OSBPL9: variants seen among roughly 807,000 people sequenced by gnomAD.
OSBPL9 encodes oxysterol binding protein like 9, also known as oxysterol-binding protein-related protein 9.
In OSBPL9, 40 loss-of-function variants were observed where a neutral mutation model predicts 106.6. That is an observed-to-expected ratio of 0.38 (90% CI 0.29 to 0.49). OSBPL9 has a LOEUF of 0.49. Among genes scored for constraint, OSBPL9 ranks in the 20% least tolerant of loss-of-function variants. The pLI is 0.97. For missense variants in OSBPL9, 609 were observed against 887.2 expected (o/e 0.69, Z 3.98); for synonymous variants, 269 against 295.4 (o/e 0.91, Z 0.92).
At position 51,789,125 on chromosome 1, in the gene OSBPL9, G is replaced by T; in HGVS notation, c.*1336G>T. ...AAGTAAATCAAATGCTATGATGCCA[G>T]TGCAAAACTTCAATGGAAGCCCTAA... On this transcript the variant is annotated 3_prime_UTR_variant, in exon 24 of 24. Coordinates refer to ENST00000428468, the MANE Select transcript of OSBPL9 (RefSeq NM_024586.6). 1 of 987,664 alleles carries T rather than the reference G, an allele frequency of 1.0e-6. No homozygotes were observed. Among genetic ancestry groups the T allele is most frequent in the Non-Finnish European group, 1.6e-6 (1 of 630,978 alleles). The allele number at this position is 987,664 out of a possible 1,614,324, so 61.2% of individuals were successfully genotyped here.
chr1:51,674,053 T>TTTC (rs536069712), intron 3 of OSBPL9, among the ~76,000 whole-genome samples: 190 of 150,988 alleles, frequency 1.3e-3, no homozygotes, highest in East Asian at 4.1e-3. Context: ...TTTCCTTTGT[T>TTTC]TTCTTCTTCT....
chr1:51,708,625 C>T (rs1414012973), intron 3 of OSBPL9, among the ~76,000 whole-genome samples: 1 of 152,278 alleles, frequency 6.6e-6, no homozygotes, highest in Admixed American at 6.5e-5. Context: ...GTTTACTTCA[C>T]TCACATTTAA....
the OSBPL9 span, among the ~76,000 whole-genome samples, chr1:51,532,263 G>A: frequency 6.6e-6 from 1 of 152,216 alleles, no homozygotes; most frequent in South Asian, 2.1e-4. Flanking sequence ...ACAGAGTCAA[G>A]AGAGGTTTCT....
chr1:51,616,003 GTTTTTTTTTTTTTTT>G (rs764823727), upstream of OSBPL9, among the ~76,000 whole-genome samples: 1 of 104,496 alleles, frequency 9.6e-6, no homozygotes, highest in Non-Finnish European at 1.8e-5. Context: ...AAATCCTTTG[GTTTTTTTTTTTTTTT>G]TTTTTTTTTT....
At chr1:51,770,244 C>T (rs749425442) in intron 12 of OSBPL9, among the ~76,000 whole-genome samples, 45 of 151,670 alleles carry the variant, frequency 3.0e-4, no homozygotes, top group Non-Finnish European at 5.3e-4. Flanking sequence ...CAGGTTCAAA[C>T]GATTCTCATG....
intron 12 of OSBPL9, 71 bp downstream of exon 12, chr1:51,766,052 CTA>C: frequency 7.1e-7 from 1 of 1,408,804 alleles, no homozygotes; most frequent in Non-Finnish European, 9.5e-7. Flanking sequence ...GATTTTGAGA[CTA>C]GTGTTAATGA....
At chr1:51,543,396 G>C in the OSBPL9 span, among the ~76,000 whole-genome samples, 1 of 152,020 alleles carries the variant, frequency 6.6e-6, no homozygotes, top group African/African-American at 2.4e-5. Context: ...GACTCAGAGA[G>C]GTTTTTTTGT....
rs1674043976 is a variant in OSBPL9 at position 51,772,119 on chromosome 1, C to G, written c.988C>G (p.Leu330Val). The G allele has an allele frequency of 6.2e-7, 1 of 1,613,954 alleles. No individual in the cohort carries two copies. Among genetic ancestry groups the G allele is most frequent in the Non-Finnish European group, 8.5e-7 (1 of 1,179,944 alleles). ...GACACACAGCAGCTCGGGAAATAGT[C>G]TAAAACGCCCAGATACCACAGAATC... is the stretch of plus-strand genomic sequence containing the variant. Reference protein sequence around the residue: ...VLTHSSSGNSLKRPDTTESLN... With the variant: ...VLTHSSSGNSVKRPDTTESLN... Residue 330 changes from leucine (L) to valine (V), a missense_variant, in exon 13 of 24, where the codon CTA becomes GTA. By Grantham distance (32) the Leu-to-Val change is conservative. This residue lies in a region of OSBPL9 where 356 missense variants were observed against 505.8 expected (regional missense o/e 0.70). Coordinates refer to ENST00000428468, the MANE Select transcript of OSBPL9 (RefSeq NM_024586.6).
At chr1:51,544,710 T>G in the OSBPL9 span, among the ~76,000 whole-genome samples, 2 of 151,886 alleles carry the variant, frequency 1.3e-5, no homozygotes, top group African/African-American at 4.8e-5. Context: ...AAAAAAAGAA[T>G]GTAGAGTAAA....
intron 4 of OSBPL9, among the ~76,000 whole-genome samples, chr1:51,720,806 T>C (rs1661976395): frequency 6.7e-6 from 1 of 148,456 alleles, no homozygotes; most frequent in African/African-American, 2.5e-5. Context: ...TTTTTTTTTT[T>C]TTTTTTTTTG....
At chr1:51,602,225 G>A (rs1645328073) in intron 2 of OSBPL9, among the ~76,000 whole-genome samples, 3 of 150,736 alleles carry the variant, frequency 2.0e-5, no homozygotes, top group South Asian at 2.1e-4. Context: ...TTTCACCGTG[G>A]TCTCGATCTC....
chr1:51,737,549 T>G (rs1162345070), intron 4 of OSBPL9, among the ~76,000 whole-genome samples: 2 of 114,406 alleles, frequency 1.7e-5, no homozygotes, highest in South Asian at 2.6e-4. Flanking sequence ...TTCAGGGGTG[T>G]GTGTGTGTGT....
chr1:51,572,270 C>CA (rs1274873512), upstream of OSBPL9, among the ~76,000 whole-genome samples: 2 of 152,098 alleles, frequency 1.3e-5, no homozygotes, highest in Non-Finnish European at 2.9e-5. Flanking sequence ...CTTTCTCAGA[C>CA]AAAAAACCCA....
upstream of OSBPL9, among the ~76,000 whole-genome samples, chr1:51,616,275 G>T (rs886365271): frequency 6.6e-6 from 1 of 152,050 alleles, no homozygotes; most frequent in Non-Finnish European, 1.5e-5. Context: ...GCGAGCCACC[G>T]CGCCCAGCCA....
At chr1:51,704,720 C>G (rs995806287) in intron 3 of OSBPL9, among the ~76,000 whole-genome samples, 4 of 152,122 alleles carry the variant, frequency 2.6e-5, no homozygotes, top group Admixed American at 6.5e-5. Flanking sequence ...TGAGGTGCCT[C>G]GTCACATTAA....
chr1:51,531,427 G>A, the OSBPL9 span, among the ~76,000 whole-genome samples: 945 of 152,284 alleles, frequency 6.2e-3, 10 homozygotes, highest in African/African-American at 0.022. Flanking sequence ...GGTGGTGAGA[G>A]GTGGTAAGAA....
chr1:51,634,535 G>A (rs1348199604), intron 1 of OSBPL9, among the ~76,000 whole-genome samples: 4 of 152,066 alleles, frequency 2.6e-5, no homozygotes, highest in Admixed American at 2.0e-4. Context: ...CAGGAGAAAA[G>A]GTATACAAAT....
chr1:51,740,286 C>T, intron 4 of OSBPL9: 2 of 1,393,514 alleles, frequency 1.4e-6, no homozygotes, highest in Non-Finnish European at 1.9e-6. Flanking sequence ...CATGTCATCT[C>T]AAATTGCTAA....
the OSBPL9 span, among the ~76,000 whole-genome samples, chr1:51,544,837 C>CTT: frequency 0.067 from 5,393 of 80,360 alleles, 303 homozygotes; most frequent in Non-Finnish European, 0.086. Flanking sequence ...AAGAGACATG[C>CTT]TTTTTTTTTT....
Sources: allele counts gnomAD v4.1 joint callset (sites outside exome capture counted in the v4.1 genomes callset), GRCh38; gene constraint gnomAD v4.1.1; regional missense constraint gnomAD v4.1.1; transcripts MANE v1.5; gene names NCBI Gene and HGNC (gene_info 2026-07-23, HGNC 2026-07-21).